The following SLC39A9 variants were observed in gnomAD, a reference collection of about 807,000 sequenced individuals.
SLC39A9 encodes the protein zinc transporter ZIP9.
In SLC39A9, 14 loss-of-function variants were observed where a neutral mutation model predicts 28.4. The ratio of observed to expected loss-of-function variants is 0.49; its 90% CI spans 0.33 to 0.77. The LOEUF (loss-of-function observed/expected upper bound fraction) is 0.77, where lower values mean the gene tolerates loss of function less well. SLC39A9 is among the 30% of genes least tolerant of loss of function. The probability of loss-of-function intolerance (pLI) is 0.02; values close to 1 mark genes in which losing one functional copy is unlikely to be tolerated. For missense variants in SLC39A9, 283 were observed against 381.1 expected (o/e 0.74, Z 2.14); for synonymous variants, 119 against 149.6 (o/e 0.80, Z 1.49).
At chr14:69,402,635 T>C (rs1046872325) in intron 1 of SLC39A9, among the ~76,000 whole-genome samples, 2 of 152,142 alleles carry the variant, frequency 1.3e-5, no homozygotes, top group African/African-American at 4.8e-5. Context: ...GCCTTCTTCC[T>C]TGCCCTTTGA....
Position 69,460,124 on chromosome 14 carries a change from T to C in SLC39A9, c.*1531T>C. On this transcript the variant is annotated 3_prime_UTR_variant, in exon 7 of 7. Transcript: ENST00000336643. ...TATTGTATTATTAATTTATTTTTACTTTCTATACCATTTCAAAACACATTA... is the reference window on the plus strand; with the variant it reads ...TATTGTATTATTAATTTATTTTTACCTTCTATACCATTTCAAAACACATTA... The C allele has an allele frequency of 1.0e-6, 1 of 983,596 alleles. No homozygotes were observed. The highest frequency in any genetic ancestry group is 1.2e-6 in the Non-Finnish European group (1 of 827,868). 60.9% of individuals were successfully genotyped at this position (983,596 alleles called of 1,614,324 possible).
At chr14:69,423,987 G>A in intron 1 of SLC39A9, 107 bp from the exon 2 acceptor site, 1 of 681,946 alleles carries the variant, frequency 1.5e-6, no homozygotes, top group Non-Finnish European at 2.6e-6. Context: ...TATTGTAGAT[G>A]TTGGTCTCAC....
intron 2 of SLC39A9, chr14:69,429,057 C>A (rs1006967529): frequency 1.1e-4 from 16 of 152,276 alleles, no homozygotes; most frequent in African/African-American, 3.6e-4. Flanking sequence ...CCTGATTTGG[C>A]TCCTTCCAAC....
chr14:69,441,583 A>C (rs952659323), intron 2 of SLC39A9, among the ~76,000 whole-genome samples: 4 of 152,168 alleles, frequency 2.6e-5, no homozygotes, highest in Admixed American at 1.3e-4. Flanking sequence ...TATTTTATAA[A>C]GCTAAAAATT....
intron 1 of SLC39A9, among the ~76,000 whole-genome samples, chr14:69,414,152 G>A (rs1304725845): frequency 6.6e-6 from 1 of 151,134 alleles, no homozygotes; most frequent in African/African-American, 2.4e-5. Context: ...CTAGGTTCAA[G>A]CGATTCTCTC....
chr14:69,448,838 G>C (rs1186415838), intron 3 of SLC39A9, among the ~76,000 whole-genome samples: 1 of 152,180 alleles, frequency 6.6e-6, no homozygotes, highest in East Asian at 1.9e-4. Context: ...GAAGCATCTG[G>C]GGATAAAGGG....
chr14:69,442,416 G>A (rs1330776565), intron 3 of SLC39A9, 150 bp downstream of exon 3: 2 of 749,492 alleles, frequency 2.7e-6, no homozygotes, highest in East Asian at 5.0e-5. Flanking sequence ...AACTAAGTGG[G>A]GAGAGCTAGT....
In SLC39A9 at chr14:69,461,810, G is replaced by T; in HGVS notation, c.*3217G>T. ...ACAGCAGCACAAACCCCCAAAGGAT[G>T]TTCCTGCCTTGTGGGCCCCTGAGCC... On this transcript the variant is annotated 3_prime_UTR_variant, in exon 7 of 7. Transcript: ENST00000336643. The T allele has an allele frequency of 6.8e-7, 1 of 1,475,498 alleles. No individual in the cohort carries two copies. The highest frequency in any genetic ancestry group is 1.3e-5 in the South Asian group (1 of 78,928). The allele number at this position is 1,475,498 out of a possible 1,614,324, so 91.4% of individuals were successfully genotyped here.
intron 6 of SLC39A9, 106 bp downstream of exon 6, chr14:69,455,972 G>T: frequency 7.4e-7 from 1 of 1,346,314 alleles, no homozygotes; most frequent in Non-Finnish European, 1.0e-6. Flanking sequence ...TCAAACTAAA[G>T]ATAAAATTAG....
chr14:69,414,200 A>G (rs1883445969), intron 1 of SLC39A9, among the ~76,000 whole-genome samples: 1 of 152,104 alleles, frequency 6.6e-6, no homozygotes, highest in Non-Finnish European at 1.5e-5. Context: ...GTTGTGCACC[A>G]TCATACTCGG....
chr14:69,446,947 TAG>T (rs1213461172), intron 3 of SLC39A9, among the ~76,000 whole-genome samples: 133 of 129,376 alleles, frequency 1.0e-3, no homozygotes, highest in African/African-American at 3.7e-3. Context: ...TATATATATA[TAG>T]AGAGAGAGAG....
intron 1 of SLC39A9, among the ~76,000 whole-genome samples, chr14:69,422,613 C>T (rs1883960579): frequency 6.6e-6 from 1 of 152,100 alleles, no homozygotes; most frequent in African/African-American, 2.4e-5. Flanking sequence ...GAGATGGAAT[C>T]TTGCTCTGTC....
rs571744194 is a variant in SLC39A9, at chr14:69,450,154, G to A, written c.404-3087G>A. Among the ~76,000 whole-genome samples, 5 of 151,864 alleles carry A rather than the reference G, an allele frequency of 3.3e-5. No individual in the cohort carries two copies. The South Asian group carries it at 6.2e-4, about 19-fold the overall frequency. ...CAGTGAGCCAAGATCACGCCACTGC[G>A]CTCCAGCCCGGGTGACCATGCAAGA... On this transcript the variant is annotated intron_variant, in intron 3 of 6. Coordinates refer to ENST00000336643, the MANE Select transcript of SLC39A9 (RefSeq NM_018375.5).
chr14:69,426,369 C>G (rs1017462170), intron 2 of SLC39A9, among the ~76,000 whole-genome samples: 3 of 152,190 alleles, frequency 2.0e-5, no homozygotes, highest in Admixed American at 6.5e-5. Context: ...GAAACACTTA[C>G]ATTTACCAGT....
At chr14:69,425,362 A>G (rs1480764747) in intron 2 of SLC39A9, among the ~76,000 whole-genome samples, 1 of 152,218 alleles carries the variant, frequency 6.6e-6, no homozygotes, top group African/African-American at 2.4e-5. Context: ...TGATTCCACT[A>G]TAGAAATCAC....
chr14:69,451,100 C>G (rs1213417536), intron 3 of SLC39A9, among the ~76,000 whole-genome samples: 2 of 152,194 alleles, frequency 1.3e-5, no homozygotes, highest in Non-Finnish European at 2.9e-5. Flanking sequence ...AGGCCAGAGC[C>G]AGCTTGCACA....
intron 1 of SLC39A9, among the ~76,000 whole-genome samples, chr14:69,407,829 G>T (rs1159887323): frequency 1.3e-5 from 2 of 150,592 alleles, no homozygotes; most frequent in African/African-American, 4.9e-5. Context: ...GTAGAGACAG[G>T]GTTTTTCCGT....
At chr14:69,419,511 T>A (rs965722035) in intron 1 of SLC39A9, among the ~76,000 whole-genome samples, 1 of 152,204 alleles carries the variant, frequency 6.6e-6, no homozygotes, top group African/African-American at 2.4e-5. Context: ...TAGATGTCTA[T>A]TAGGTTGGCT....
At chr14:69,419,490 G>A (rs1883765636) in intron 1 of SLC39A9, among the ~76,000 whole-genome samples, 1 of 152,174 alleles carries the variant, frequency 6.6e-6, no homozygotes. Flanking sequence ...GATTTGGGGT[G>A]GAGAGTTCTG....
Sources: gnomAD v4.1 joint callset for allele counts (sites outside exome capture counted in the v4.1 genomes callset) on GRCh38, gnomAD v4.1.1 for gene constraint, MANE v1.5 for transcripts, NCBI Gene and HGNC (gene_info 2026-07-23, HGNC 2026-07-21) for gene names.